The following ACTL6B variants were observed in gnomAD, a reference collection of about 807,000 sequenced individuals.
The protein encoded by ACTL6B is actin like 6B.
In ACTL6B, 48 loss-of-function variants were observed where a neutral mutation model predicts 63.3. The observed-to-expected ratio is 0.76, with a 90% CI of 0.60 to 0.96. The LOEUF (loss-of-function observed/expected upper bound fraction) is 0.96. Among genes scored for constraint, ACTL6B ranks in the 50% least tolerant of loss-of-function variants. The pLI is 0.00. For missense variants in ACTL6B, 350 were observed against 572.2 expected (o/e 0.61, Z 3.96); for synonymous variants, 230 against 223.8 (o/e 1.03, Z -0.25).
At position 100,646,131 on chromosome 7, in the gene ACTL6B, C is replaced by G; in HGVS notation, c.1200+118G>C. The G allele has an allele frequency of 1.0e-6, 1 of 982,496 alleles. No individual in the cohort carries two copies. Among genetic ancestry groups the G allele is most frequent in the South Asian group, 1.4e-5 (1 of 70,616 alleles). The allele number at this position is 982,496 out of a possible 1,614,324, so 60.9% of individuals were successfully genotyped here. A position where few individuals can be genotyped will look rare whatever the true frequency, so the allele number is the denominator to read the frequency against. On this transcript the variant is annotated intron_variant, in intron 13 of 13. Transcript: ENST00000160382. This position sits in a 1 kb window ranked among gnomAD's most constrained non-coding sequence, Gnocchi z 6.1. Reference sequence around the variant, plus strand: ...GGAACATTCATTGACTGACATTTCTCAAAACTAAATGTTTGTTGAATGAAT... The same window carrying G: ...GGAACATTCATTGACTGACATTTCTGAAAACTAAATGTTTGTTGAATGAAT...
intron 4 of ACTL6B, among the ~76,000 whole-genome samples, chr7:100,651,662 C>T (rs184799496): frequency 1.0e-3 from 153 of 152,126 alleles, no homozygotes; most frequent in African/African-American, 3.6e-3. Flanking sequence ...AGGCTGACTG[C>T]AATCTCTGCC....
At position 100,643,151 on chromosome 7, in the gene ACTL6B, G is replaced by T; in HGVS notation, c.*95C>A. On this transcript the variant is annotated 3_prime_UTR_variant, in exon 14 of 14. Coordinates refer to ENST00000160382, the MANE Select transcript of ACTL6B (RefSeq NM_016188.5). Reference sequence around the variant, plus strand: ...TCAACCCAGAAACATCACCATTAATGAGGACAAGAGGGAAAGGAGGAGGGG... The same window carrying T: ...TCAACCCAGAAACATCACCATTAATTAGGACAAGAGGGAAAGGAGGAGGGG... 1.6e-6 allele frequency: 2 copies of T among 1,251,622 alleles called. No individual in the cohort carries two copies. The highest frequency in any genetic ancestry group is 2.3e-6 in the Non-Finnish European group (2 of 868,952). The allele number at this position is 1,251,622 out of a possible 1,614,324, so 77.5% of individuals were successfully genotyped here. A position where few individuals can be genotyped will look rare whatever the true frequency, so the allele number is the denominator to read the frequency against.
In ACTL6B at chr7:100,646,065, C is replaced by G. The variant is rs562518073; in HGVS notation, c.1200+184G>C. ...GGATGACAGGTGTGGGCCACCATAC[C>G]GGGCCCCTGCCCCCCGATTTGTGTC... On this transcript the variant is annotated intron_variant, in intron 13 of 13. Transcript: ENST00000160382. This position sits in a 1 kb window ranked among gnomAD's most constrained non-coding sequence, Gnocchi z 6.1. 2.0e-5 allele frequency among the ~76,000 whole-genome samples: 3 copies of G among 152,244 alleles called. No homozygotes were observed. Among genetic ancestry groups the G allele is most frequent in the Non-Finnish European group, 2.9e-5 (2 of 68,046 alleles).
At chr7:100,645,838 G>GCCAGA (rs1803810555) in intron 13 of ACTL6B, among the ~76,000 whole-genome samples, 2 of 152,080 alleles carry the variant, frequency 1.3e-5, no homozygotes, top group South Asian at 4.1e-4. Context: ...CGTCATGTTG[G>GCCAGA]CCAGGCTGGT....
At chr7:100,650,925 T>G (rs1461463414) in intron 4 of ACTL6B, among the ~76,000 whole-genome samples, 1 of 152,146 alleles carries the variant, frequency 6.6e-6, no homozygotes, top group Non-Finnish European at 1.5e-5. Context: ...AAATAATTCT[T>G]TTTCACTGAA....
chr7:100,650,163 T>C (rs2231174), intron 4 of ACTL6B, 28 bp from the exon 5 acceptor site: 25,161 of 1,607,806 alleles, frequency 0.016, 251 homozygotes, highest in Non-Finnish European at 0.018. Context: ...AGGGGGAGGA[T>C]TCAGGAAGGG....
Position 100,646,456 on chromosome 7 carries a change from C to G in ACTL6B, c.1113+95G>C, listed in dbSNP as rs1803823752. 1.3e-6 allele frequency: 2 copies of G among 1,555,608 alleles called. No homozygotes were observed. The highest frequency in any genetic ancestry group is 8.9e-7 in the Non-Finnish European group (1 of 1,129,456). ...AGGGGTTCTGCTCTGGTGGCCAGAA[C>G]AGAAGGAAGGACATGGGAAGGATGA... On this transcript the variant is annotated intron_variant, in intron 12 of 13. Coordinates refer to ENST00000160382, the MANE Select transcript of ACTL6B (RefSeq NM_016188.5). The surrounding 1 kb of genome is among the most constrained non-coding windows in gnomAD (Gnocchi z 6.1).
In ACTL6B at chr7:100,648,997, C is replaced by CT. The variant is rs749138723; in HGVS notation, c.468-175dup. Among the ~76,000 whole-genome samples, 25,292 of 142,470 alleles carry CT rather than the reference C, an allele frequency of 0.18. 2,350 individuals are homozygous for CT. Among genetic ancestry groups the CT allele is most frequent in the Non-Finnish European group, 0.21 (13,863 of 64,984 alleles). 93.5% of individuals were successfully genotyped at this position (142,470 alleles called of 152,430 possible). On this transcript the variant is annotated intron_variant, in intron 5 of 13. Transcript: ENST00000160382. This position sits in a 1 kb window ranked among gnomAD's most constrained non-coding sequence, Gnocchi z 4.4. ...AAAGGCTCTGAGACCCCAGTTACTT[C>CT]TTTTTTTTTTTTTTTGAGATGGAGT...
In ACTL6B at chr7:100,655,754, A is replaced by C. The variant is rs1041658864; in HGVS notation, c.102+49T>G. 8.4e-6 allele frequency: 13 copies of C among 1,542,628 alleles called. No homozygotes were observed. The highest frequency in any genetic ancestry group is 1.1e-5 in the Non-Finnish European group (13 of 1,142,340). On this transcript the variant is annotated intron_variant, in intron 2 of 13. Transcript: ENST00000160382. This position sits in a 1 kb window ranked among gnomAD's most constrained non-coding sequence, Gnocchi z 4.4. ...AGCCCTGGGTCACTGGAAAGCCTGAAGAAGGGTCCGAAGCCCCTAGGATTT... is the reference window on the plus strand; with the variant it reads ...AGCCCTGGGTCACTGGAAAGCCTGACGAAGGGTCCGAAGCCCCTAGGATTT...
Position 100,655,199 on chromosome 7 carries a change from C to T in ACTL6B, c.269-80G>A. ...ACAGGAAGAAAAGGAGGGAGAAAGGCCAAGCCCAAAGGAGGGTCAGTGAGT... is the reference window on the plus strand; with the variant it reads ...ACAGGAAGAAAAGGAGGGAGAAAGGTCAAGCCCAAAGGAGGGTCAGTGAGT... On this transcript the variant is annotated intron_variant, in intron 3 of 13. Transcript: ENST00000160382. The surrounding 1 kb of genome is among the most constrained non-coding windows in gnomAD (Gnocchi z 4.4). The T allele has an allele frequency of 2.2e-6, 3 of 1,354,946 alleles. No homozygotes were observed. Among genetic ancestry groups the T allele is most frequent in the South Asian group, 2.4e-5 (2 of 83,564 alleles). 83.9% of individuals were successfully genotyped at this position (1,354,946 alleles called of 1,614,324 possible).
At chr7:100,656,268 G>A in intron 1 of ACTL6B, 62 bp downstream of exon 1, 1 of 1,373,512 alleles carries the variant, frequency 7.3e-7, no homozygotes, top group Non-Finnish European at 9.4e-7. Flanking sequence ...CCCAGAGCTC[G>A]GATGGATGGC....
At position 100,646,592 on chromosome 7, in the gene ACTL6B, T is replaced by C; in HGVS notation, c.1072A>G (p.Thr358Ala). ...GAAAGCTCTCGATTGAGCCTGTCAG[T>C]GAAGCCCTGCAGCAGTGTGTTCCCG... ...TGGNTLLQGF[T>A]DRLNRELSQK... The change falls in exon 12 of 14, where the codon ACT (threonine) becomes GCT (alanine). Residue 358 changes from threonine (T) to alanine (A), a missense_variant. Around this residue, in one of 3 missense-constraint regions of ACTL6B, gnomAD observed 76 missense variants for 126.1 expected, o/e 0.60. Transcript: ENST00000160382. This position sits in a 1 kb window ranked among gnomAD's most constrained non-coding sequence, Gnocchi z 6.1. 3 of 1,614,002 alleles carry C rather than the reference T, an allele frequency of 1.9e-6. No individual in the cohort carries two copies. Among genetic ancestry groups the C allele is most frequent in the Non-Finnish European group, 2.5e-6 (3 of 1,179,984 alleles).
intron 13 of ACTL6B, among the ~76,000 whole-genome samples, chr7:100,645,789 G>A (rs764911466): frequency 1.3e-5 from 2 of 152,080 alleles, no homozygotes; most frequent in Admixed American, 1.3e-4. Flanking sequence ...GCACCACCAT[G>A]CCTGGCTAAT....
chr7:100,648,649 G>A lies in ACTL6B; in HGVS notation c.576C>T (p.Ser192=), dbSNP rs762183248. The change falls in exon 7 of 14, where the codon TCC becomes TCT. Residue 192 remains serine (S), a synonymous_variant. Transcript: ENST00000160382. This position sits in a 1 kb window ranked among gnomAD's most constrained non-coding sequence, Gnocchi z 4.4. ...TGGAGATGAAGTCCCCTGCCAGAGG[G>A]GACTTGACGATGCCTAGAAGGAAGG... is the stretch of plus-strand genomic sequence containing the variant. The part of the protein sequence containing the change: ...GYVLQQGIVK[S]PLAGDFISMQ... 1.2e-6 allele frequency: 2 copies of A among 1,612,536 alleles called. No homozygotes were observed. Among genetic ancestry groups the A allele is most frequent in the Non-Finnish European group, 1.7e-6 (2 of 1,179,042 alleles).
rs1803845490 is a variant in ACTL6B, at chr7:100,647,422, G to C, written c.759+22C>G. The C allele has an allele frequency of 6.2e-7, 1 of 1,608,468 alleles. No individual in the cohort carries two copies. The highest frequency in any genetic ancestry group is 1.3e-5 in the African/African-American group (1 of 74,984). On this transcript the variant is annotated intron_variant, in intron 8 of 13. Coordinates refer to ENST00000160382, the MANE Select transcript of ACTL6B (RefSeq NM_016188.5). This position sits in a 1 kb window ranked among gnomAD's most constrained non-coding sequence, Gnocchi z 4.4. ...TCATGGCAGGGGAGGGGGGTTTCAG[G>C]TGGCCCTCTCCAGAGGCTCACATTA...
chr7:100,655,606 G>A lies in ACTL6B; in HGVS notation c.103-20C>T. 6.2e-7 allele frequency: 1 copy of A among 1,605,476 alleles called. No homozygotes were observed. The highest frequency in any genetic ancestry group is 1.3e-5 in the African/African-American group (1 of 75,004). On this transcript the variant is annotated intron_variant, in intron 2 of 13. Coordinates refer to ENST00000160382, the MANE Select transcript of ACTL6B (RefSeq NM_016188.5). The surrounding 1 kb of genome is among the most constrained non-coding windows in gnomAD (Gnocchi z 4.4). ...GTCAGCCTGGTGGGGAAGGGTTGGG[G>A]GAGTATTGGCAGGGAGAGAGGTCAC...
intron 5 of ACTL6B, among the ~76,000 whole-genome samples, chr7:100,649,082 T>C (rs1220422134): frequency 2.0e-5 from 3 of 150,516 alleles, no homozygotes; most frequent in Non-Finnish European, 3.0e-5. Context: ...AAGCTCCGCC[T>C]CCCGGGTTCA....
intron 4 of ACTL6B, among the ~76,000 whole-genome samples, chr7:100,654,446 T>C (rs1206696744): frequency 1.4e-5 from 2 of 145,914 alleles, no homozygotes; most frequent in Admixed American, 6.9e-5. Flanking sequence ...ATAATAATAA[T>C]AATAATAATA....
In ACTL6B at chr7:100,648,509, G is replaced by A. The variant is rs776973834; in HGVS notation, c.669+47C>T. On this transcript the variant is annotated intron_variant, in intron 7 of 13. Coordinates refer to ENST00000160382, the MANE Select transcript of ACTL6B (RefSeq NM_016188.5). The surrounding 1 kb of genome is among the most constrained non-coding windows in gnomAD (Gnocchi z 4.4). ...GTCAGAGGGTTGACGGCCATGGGGC[G>A]AGTGGCCAGGACTCTAGTGGCAGCT... 11 of 1,478,954 alleles carry A rather than the reference G, an allele frequency of 7.4e-6. No individual in the cohort carries two copies. Among genetic ancestry groups the A allele is most frequent in the South Asian group, 3.9e-5 (3 of 76,296 alleles). 91.6% of individuals were successfully genotyped at this position (1,478,954 alleles called of 1,614,324 possible).
Sources: allele counts gnomAD v4.1 joint callset (sites outside exome capture counted in the v4.1 genomes callset), GRCh38; gene constraint gnomAD v4.1.1; regional missense constraint gnomAD v4.1.1; non-coding constraint Gnocchi (gnomAD v3.1); transcripts MANE v1.5; gene names NCBI Gene and HGNC (gene_info 2026-07-23, HGNC 2026-07-21).